The following PARN variants were observed in gnomAD, a reference collection of about 807,000 sequenced individuals.
The protein encoded by PARN is poly(A)-specific ribonuclease.
In PARN, 71 loss-of-function variants were observed where a neutral mutation model predicts 102.8. The ratio of observed to expected loss-of-function variants is 0.69; its 90% CI spans 0.57 to 0.84. The LOEUF (loss-of-function observed/expected upper bound fraction) is 0.84, where lower values mean the gene tolerates loss of function less well. Among genes scored for constraint, PARN ranks in the 40% least tolerant of loss-of-function variants. PARN has a pLI of 0.00. For missense variants in PARN, 782 were observed against 760.9 expected, an observed-to-expected ratio of 1.03 and a Z score of -0.33; for synonymous variants, 261 against 252.9, an observed-to-expected ratio of 1.03 and a Z score of -0.30.
chr16:14,546,655 T>C (rs1966963357), intron 21 of PARN, among the ~76,000 whole-genome samples: 1 of 152,234 alleles, frequency 6.6e-6, no homozygotes, highest in African/African-American at 2.4e-5. Context: ...ACGATGCATT[T>C]AAAGACACTC....
intron 21 of PARN, among the ~76,000 whole-genome samples, chr16:14,489,295 TAAAC>T (rs1462235402): frequency 1.3e-5 from 2 of 152,062 alleles, no homozygotes. Context: ...CATTACATTT[TAAAC>T]AAACAAAATT....
chr16:14,628,053 T>G, intron 3 of PARN, 119 bp downstream of exon 3: 1 of 696,530 alleles, frequency 1.4e-6, no homozygotes, highest in Non-Finnish European at 2.5e-6. Flanking sequence ...TGGCTAGGTT[T>G]GAGGAGAAAA....
chr16:14,522,627 G>A (rs1833992739), intron 21 of PARN, among the ~76,000 whole-genome samples: 3 of 152,154 alleles, frequency 2.0e-5, no homozygotes, highest in Non-Finnish European at 2.9e-5. Context: ...CCAGGTACAG[G>A]GGACAATATC....
intron 5 of PARN, among the ~76,000 whole-genome samples, chr16:14,621,010 G>A (rs567814789): frequency 5.3e-5 from 8 of 152,270 alleles, no homozygotes; most frequent in Admixed American, 3.9e-4. Context: ...TTGAAATGGT[G>A]AGATATAAAA....
In PARN at chr16:14,440,939, A is replaced by G. The variant is rs189834856; in HGVS notation, c.1865-4167T>C. Reference sequence around the variant, plus strand: ...ATATCGTGATCATAGTGGTGGTTATATGACTGTACACAGATGTCAAAGCTC... The same window carrying G: ...ATATCGTGATCATAGTGGTGGTTATGTGACTGTACACAGATGTCAAAGCTC... On this transcript the variant is annotated intron_variant, in intron 23 of 23. Transcript: ENST00000437198. 4.6e-4 allele frequency among the ~76,000 whole-genome samples: 70 copies of G among 152,314 alleles called. 1 individual carries two copies. The East Asian group carries it at 9.0e-3, about 20-fold the overall frequency.
intron 18 of PARN, among the ~76,000 whole-genome samples, chr16:14,570,486 C>T (rs1220512711): frequency 6.6e-6 from 1 of 151,174 alleles, no homozygotes; most frequent in East Asian, 1.9e-4. Flanking sequence ...CCTGTCTCTA[C>T]TAAAAGTACA....
chr16:14,590,191 C>T (rs375240145), intron 13 of PARN, among the ~76,000 whole-genome samples: 3 of 130,974 alleles, frequency 2.3e-5, no homozygotes, highest in South Asian at 2.6e-4. Context: ...GCCGAGATCG[C>T]ACCACTGCAC....
intron 18 of PARN, among the ~76,000 whole-genome samples, chr16:14,569,545 G>A (rs774680533): frequency 3.3e-5 from 5 of 152,194 alleles, no homozygotes; most frequent in African/African-American, 7.2e-5. Context: ...CACCCTAGCT[G>A]AGATGTTGCA....
intron 21 of PARN, among the ~76,000 whole-genome samples, chr16:14,523,224 T>TACACACAC (rs35250440): frequency 1.3e-3 from 191 of 144,228 alleles, no homozygotes; most frequent in African/African-American, 3.9e-3. Flanking sequence ...AACTAACAAG[T>TACACACAC]ACACACACAC....
chr16:14,609,991 C>T (rs1451688843), intron 7 of PARN, among the ~76,000 whole-genome samples: 1 of 151,878 alleles, frequency 6.6e-6, no homozygotes, highest in African/African-American at 2.4e-5. Flanking sequence ...GCAGGAAGAT[C>T]CCTTGAGCTC....
At position 14,446,086 on chromosome 16, in the gene PARN, T is replaced by G. The variant is rs151314751; in HGVS notation, c.1864+802A>C. On this transcript the variant is annotated intron_variant, in intron 23 of 23. Coordinates refer to ENST00000437198, the MANE Select transcript of PARN (RefSeq NM_002582.4). ...ACTGTCACTGTGACTGCTGCCTTGC[T>G]GGACCGCCCCCTGCAGCAGGGAATG... is the stretch of plus-strand genomic sequence containing the variant. 3.9e-3 allele frequency among the ~76,000 whole-genome samples: 592 copies of G among 152,372 alleles called. 4 individuals are homozygous for G. The highest frequency in any genetic ancestry group is 0.013 in the African/African-American group (558 of 41,592).
At chr16:14,521,035 T>C in intron 21 of PARN, among the ~76,000 whole-genome samples, 1 of 152,222 alleles carries the variant, frequency 6.6e-6, no homozygotes, top group East Asian at 1.9e-4. Context: ...CACAATGCTT[T>C]ATCCTTTAAT....
At chr16:14,615,668 AG>A (rs1304131007) in intron 6 of PARN, among the ~76,000 whole-genome samples, 3 of 152,182 alleles carry the variant, frequency 2.0e-5, no homozygotes, top group Non-Finnish European at 2.9e-5. Context: ...TAAGAGGCAA[AG>A]GTAAGTGAAT....
At chr16:14,569,845 A>G (rs1596699948) in intron 18 of PARN, among the ~76,000 whole-genome samples, 1 of 152,176 alleles carries the variant, frequency 6.6e-6, no homozygotes, top group East Asian at 1.9e-4. Context: ...TTCTGGAAAC[A>G]GTGGCTATGG....
In PARN at chr16:14,552,029, A is replaced by T; in HGVS notation, c.1472T>A (p.Val491Glu). ...AFVSLSQPEQ[V>E]KIAVNTSKYA... is the part of the protein sequence containing the mutation. The stretch of plus-strand genomic sequence containing the variant: ...AAATCCAAAACACTTACCAATCTTT[A>T]CTTGCTCGGGCTGGCTAAGGGAAAC... Residue 491 changes from valine to glutamate, a missense_variant, in exon 21 of 24, where the codon GTA (valine) becomes GAA (glutamate). By Grantham distance (121) the Val-to-Glu change is moderately radical. Transcript: ENST00000437198. 1 of 1,610,098 alleles carries T rather than the reference A, an allele frequency of 6.2e-7. No individual in the cohort carries two copies. Among genetic ancestry groups the T allele is most frequent in the Non-Finnish European group, 8.5e-7 (1 of 1,176,718 alleles).
At chr16:14,460,844 C>T (rs779776832) in intron 22 of PARN, among the ~76,000 whole-genome samples, 11 of 152,212 alleles carry the variant, frequency 7.2e-5, no homozygotes, top group Admixed American at 3.3e-4. Flanking sequence ...GGAGGTGGAA[C>T]ATAACTCCCC....
intron 5 of PARN, among the ~76,000 whole-genome samples, chr16:14,623,014 G>A (rs888925339): frequency 2.6e-5 from 4 of 151,838 alleles, no homozygotes; most frequent in South Asian, 2.1e-4. Context: ...TAAGGCAGGA[G>A]GATCACTTGA....
chr16:14,571,700 T>C (rs1323013698), intron 18 of PARN, among the ~76,000 whole-genome samples: 2 of 152,162 alleles, frequency 1.3e-5, no homozygotes, highest in Non-Finnish European at 2.9e-5. Flanking sequence ...CTGAGGCCTA[T>C]GATGTACCAG....
intron 3 of PARN, 72 bp from the exon 4 acceptor site, chr16:14,627,408 G>T (rs1972744476): frequency 2.7e-6 from 3 of 1,091,024 alleles, no homozygotes; most frequent in Non-Finnish European, 2.7e-6. Flanking sequence ...TTCTCAAACA[G>T]GTGGGCTTTC....
Sources: gnomAD v4.1 joint callset for allele counts (sites outside exome capture counted in the v4.1 genomes callset) on GRCh38, gnomAD v4.1.1 for gene constraint, MANE v1.5 for transcripts, NCBI Gene and HGNC (gene_info 2026-07-23, HGNC 2026-07-21) for gene names.